FAM83B: variants seen among roughly 807,000 people sequenced by gnomAD.
FAM83B encodes the protein protein FAM83B.
Under a neutral mutation model 38.8 loss-of-function variants are expected in FAM83B, and 26 were observed. The ratio of observed to expected loss-of-function variants is 0.67; its 90% CI spans 0.49 to 0.93. FAM83B has a LOEUF of 0.93. Among genes scored for constraint, FAM83B ranks in the 40% least tolerant of loss-of-function variants. The probability of loss-of-function intolerance (pLI) is 0.00; values close to 1 mark genes in which losing one functional copy is unlikely to be tolerated. For missense variants in FAM83B, 1,237 were observed against 1,197.3 expected, an observed-to-expected ratio of 1.03 and a Z score of -0.49; for synonymous variants, 419 against 423.1, an observed-to-expected ratio of 0.99 and a Z score of 0.12.
At chr6:54,865,737 G>C (rs2127574147) in intron 1 of FAM83B, among the ~76,000 whole-genome samples, 1 of 152,182 alleles carries the variant, frequency 6.6e-6, no homozygotes, top group Non-Finnish European at 1.5e-5. Context: ...TTTTCCCACT[G>C]ACCTATTACA....
At chr6:54,884,299 T>TAAAAAAAAAA (rs70983475) in intron 2 of FAM83B, among the ~76,000 whole-genome samples, 1 of 82,298 alleles carries the variant, frequency 1.2e-5, no homozygotes, top group Non-Finnish European at 2.1e-5. Flanking sequence ...AGACCCCGTC[T>TAAAAAAAAAA]AAAAAAAAAA....
chr6:54,864,581 T>G (rs1771658084), intron 1 of FAM83B, among the ~76,000 whole-genome samples: 1 of 152,174 alleles, frequency 6.6e-6, no homozygotes, highest in African/African-American at 2.4e-5. Context: ...TTTTAATGAG[T>G]TTGGATGTCA....
intron 2 of FAM83B, among the ~76,000 whole-genome samples, chr6:54,880,533 C>CTCTCAGGT (rs948216396): frequency 8.2e-5 from 12 of 146,326 alleles, no homozygotes; most frequent in South Asian, 2.2e-4. Context: ...CCACCTCTGC[C>CTCTCAGGT]TCTCAGGTTC....
At chr6:54,860,605 A>G (rs1771561603) in intron 1 of FAM83B, among the ~76,000 whole-genome samples, 1 of 152,216 alleles carries the variant, frequency 6.6e-6, no homozygotes, top group Non-Finnish European at 1.5e-5. Flanking sequence ...ATGGAACAGA[A>G]GAAAGAACCC....
Position 54,940,074 on chromosome 6 carries a change from G to A in FAM83B, c.1103G>A (p.Gly368Asp). 1 of 1,613,948 alleles carries A rather than the reference G, an allele frequency of 6.2e-7. No individual in the cohort carries two copies. The highest frequency in any genetic ancestry group is 8.5e-7 in the Non-Finnish European group (1 of 1,179,976). Reference protein sequence around the residue: ...YKPHFVPNFNGPNAIRQFQPN... With the variant: ...YKPHFVPNFNDPNAIRQFQPN... ...CCTCATTTTGTTCCTAACTTTAATG[G>A]TCCAAACGCAATACGTCAGTTTCAA... The change falls in exon 5 of 5, where the codon GGT becomes GAT. Residue 368 changes from glycine (G) to aspartate (D), a missense_variant. Coordinates refer to ENST00000306858, the MANE Select transcript of FAM83B (RefSeq NM_001010872.3).
At chr6:54,919,324 T>C (rs962577351) in intron 2 of FAM83B, among the ~76,000 whole-genome samples, 2 of 152,142 alleles carry the variant, frequency 1.3e-5, no homozygotes, top group Non-Finnish European at 2.9e-5. Context: ...ATTTTTGTGG[T>C]ATTAAGTATT....
intron 4 of FAM83B, among the ~76,000 whole-genome samples, chr6:54,936,890 T>C (rs142200316): frequency 0.013 from 1,937 of 149,718 alleles, 18 homozygotes; most frequent in Non-Finnish European, 0.021. Flanking sequence ...GTTACTTACT[T>C]TTATACCATT....
chr6:54,876,392 C>T (rs1270028691), intron 2 of FAM83B, among the ~76,000 whole-genome samples: 9 of 144,426 alleles, frequency 6.2e-5, no homozygotes, highest in Non-Finnish European at 1.2e-4. Flanking sequence ...GTCACAATCT[C>T]GGCTCACTGC....
At chr6:54,871,973 A>G (rs1026410489) in intron 2 of FAM83B, among the ~76,000 whole-genome samples, 1 of 152,070 alleles carries the variant, frequency 6.6e-6, no homozygotes, top group Non-Finnish European at 1.5e-5. Context: ...TGAATTCCTC[A>G]GTGACATGGC....
intron 4 of FAM83B, among the ~76,000 whole-genome samples, chr6:54,934,832 C>T (rs1349032601): frequency 6.6e-6 from 1 of 152,104 alleles, no homozygotes; most frequent in East Asian, 1.9e-4. Flanking sequence ...CCTTTCTAAC[C>T]CACCATTTGT....
At chr6:54,846,917 C>CGGG (rs1771150507) in intron 1 of FAM83B, 91 bp downstream of exon 1, 2 of 136,914 alleles carry the variant, frequency 1.5e-5, no homozygotes, top group Non-Finnish European at 3.2e-5. Flanking sequence ...CTGGGGGGGC[C>CGGG]CGGGGCTTCA....
At chr6:54,896,279 A>G (rs1357175897) in intron 2 of FAM83B, among the ~76,000 whole-genome samples, 2 of 152,246 alleles carry the variant, frequency 1.3e-5, no homozygotes, top group African/African-American at 2.4e-5. Context: ...GCATAATCTT[A>G]ACATTCTACC....
chr6:54,912,675 A>G (rs1772937740), intron 2 of FAM83B, among the ~76,000 whole-genome samples: 1 of 152,030 alleles, frequency 6.6e-6, no homozygotes, highest in Non-Finnish European at 1.5e-5. Context: ...TCTAAGTAAC[A>G]TGGCTAAAGT....
chr6:54,849,044 A>C (rs1771204932), intron 1 of FAM83B, among the ~76,000 whole-genome samples: 1 of 152,148 alleles, frequency 6.6e-6, no homozygotes, highest in South Asian at 2.1e-4. Flanking sequence ...TCTGATCTGG[A>C]GATGGAATGT....
intron 2 of FAM83B, among the ~76,000 whole-genome samples, chr6:54,875,439 C>T (rs759183191): frequency 2.6e-5 from 4 of 152,044 alleles, no homozygotes; most frequent in Admixed American, 1.3e-4. Context: ...CAACTCTCAC[C>T]GTGAATTTTG....
chr6:54,876,587 C>G (rs937263649), intron 2 of FAM83B, among the ~76,000 whole-genome samples: 1 of 151,460 alleles, frequency 6.6e-6, no homozygotes, highest in African/African-American at 2.4e-5. Flanking sequence ...TCAAATTGCT[C>G]GAATTACAGA....
intron 2 of FAM83B, among the ~76,000 whole-genome samples, chr6:54,876,566 G>A (rs1472141219): frequency 6.6e-6 from 1 of 151,520 alleles, no homozygotes; most frequent in African/African-American, 2.4e-5. Context: ...TGATCCACCC[G>A]CCTCAGCCTC....
rs76234188 is a variant in FAM83B, at chr6:54,866,153, A to C, written c.-60-4034A>C. On this transcript the variant is annotated intron_variant, in intron 1 of 4. Transcript: ENST00000306858. ...TAGTAATTGATGAAGCAGAGTTTTA[A>C]CCTGGCAATTTGACCCTACAGATGA... 3.4e-3 allele frequency among the ~76,000 whole-genome samples: 514 copies of C among 150,732 alleles called. 8 individuals are homozygous for C. Among genetic ancestry groups the C allele is most frequent in the East Asian group, 0.033 (172 of 5,142 alleles).
intron 2 of FAM83B, among the ~76,000 whole-genome samples, chr6:54,897,953 T>TACATATGTTTAAACTAGAATTATC (rs1772577236): frequency 1.3e-5 from 2 of 152,186 alleles, no homozygotes; most frequent in African/African-American, 4.8e-5. Flanking sequence ...CCTGAATTAT[T>TACATATGTTTAAACTAGAATTATC]ACATATGTTT....
Sources: gnomAD v4.1 joint callset for allele counts (sites outside exome capture counted in the v4.1 genomes callset) on GRCh38, gnomAD v4.1.1 for gene constraint, MANE v1.5 for transcripts, NCBI Gene and HGNC (gene_info 2026-07-23, HGNC 2026-07-21) for gene names.